SLC14A2: variants seen among roughly 807,000 people sequenced by gnomAD.
The protein encoded by SLC14A2 is solute carrier family 14 member 2.
Under a neutral mutation model 104.6 loss-of-function variants are expected in SLC14A2, and 91 were observed. That is an observed-to-expected ratio of 0.87 (90% confidence interval 0.73 to 1.04). The LOEUF (loss-of-function observed/expected upper bound fraction) is 1.04. Among genes scored for constraint, SLC14A2 ranks in the 50% least tolerant of loss-of-function variants. The pLI is 0.00. For missense variants in SLC14A2, 1,189 were observed against 1,156.0 expected, an observed-to-expected ratio of 1.03 and a Z score of -0.41; for synonymous variants, 476 against 466.4, an observed-to-expected ratio of 1.02 and a Z score of -0.27.
At chr18:45,282,693 G>C (rs1209553422) in intron 1 of SLC14A2, among the ~76,000 whole-genome samples, 3 of 152,066 alleles carry the variant, frequency 2.0e-5, no homozygotes, top group African/African-American at 7.2e-5. Context: ...CCATAAAGAT[G>C]GGATTTCGAA....
chr18:45,552,430 C>T (rs779776351), intron 2 of SLC14A2, among the ~76,000 whole-genome samples: 35 of 151,946 alleles, frequency 2.3e-4, no homozygotes, highest in Middle Eastern at 3.4e-3. Flanking sequence ...TCTTGCTCTC[C>T]CACCCCCCAA....
At chr18:45,386,771 T>TA (rs1357473367) in intron 1 of SLC14A2, among the ~76,000 whole-genome samples, 1 of 152,198 alleles carries the variant, frequency 6.6e-6, no homozygotes, top group Non-Finnish European at 1.5e-5. Context: ...AACTGTTGAT[T>TA]AACCTCCAAA....
chr18:45,682,592 C>G lies in SLC14A2; in HGVS notation c.*73C>G. On this transcript the variant is annotated 3_prime_UTR_variant, in exon 20 of 20. Coordinates refer to ENST00000255226, the MANE Select transcript of SLC14A2 (RefSeq NM_007163.4). ...CGTCCAGATCCCCAGGATAAGAGAC[C>G]ACTTAGCCTTCCCTTTGGTCTGTTC... 1 of 1,242,652 alleles carries G rather than the reference C, an allele frequency of 8.0e-7. No individual in the cohort carries two copies. Among genetic ancestry groups the G allele is most frequent in the Non-Finnish European group, 1.2e-6 (1 of 843,550 alleles). 77.0% of individuals were successfully genotyped at this position (1,242,652 alleles called of 1,614,324 possible).
chr18:45,365,027 A>G (rs1230694956), intron 1 of SLC14A2, among the ~76,000 whole-genome samples: 1 of 152,216 alleles, frequency 6.6e-6, no homozygotes, highest in African/African-American at 2.4e-5. Flanking sequence ...AGGCAGGTAA[A>G]TAAGTCGAGG....
At position 45,281,630 on chromosome 18, in the gene SLC14A2, T is replaced by TG. The variant is rs371060743; in HGVS notation, c.-125+68445dup. 3.4e-3 allele frequency among the ~76,000 whole-genome samples: 524 copies of TG among 152,276 alleles called. 4 individuals are homozygous for TG. Among genetic ancestry groups the TG allele is most frequent in the African/African-American group, 0.011 (454 of 41,546 alleles). On this transcript the variant is annotated intron_variant, in intron 1 of 20. Transcript: ENST00000586448. The stretch of plus-strand genomic sequence containing the variant: ...ATTCTCTCTCTCCTCTCTTGAGGGC[T>TG]GGGGGGTGCAATTTAGAAGTATCTC...
intron 1 of SLC14A2, among the ~76,000 whole-genome samples, chr18:45,622,586 G>A (rs1303396660): frequency 2.6e-5 from 4 of 152,152 alleles, no homozygotes; most frequent in Non-Finnish European, 5.9e-5. Context: ...CACCTGGGTA[G>A]GAGCACCAGG....
At position 45,620,202 on chromosome 18, in the gene SLC14A2, CG is replaced by C. The variant is rs548577354; in HGVS notation, c.-34-4426del. Among the ~76,000 whole-genome samples, 442 of 152,318 alleles carry C rather than the reference CG, an allele frequency of 2.9e-3. 1 individual carries two copies. The highest frequency in any genetic ancestry group is 0.01 in the African/African-American group (425 of 41,578). On this transcript the variant is annotated intron_variant, in intron 1 of 19. Transcript: ENST00000255226. ...TACATAGGATTGAGAAACACAACAG[CG>C]GGCTGAGGCCCTGGACCCAGGCGCT...
intron 1 of SLC14A2, among the ~76,000 whole-genome samples, chr18:45,427,560 G>C (rs1046649173): frequency 6.6e-6 from 1 of 152,168 alleles, no homozygotes; most frequent in Non-Finnish European, 1.5e-5. Flanking sequence ...TCCAGCTGGA[G>C]GGTCTGGGAA....
At chr18:45,665,352 A>G (rs2046000681) in intron 11 of SLC14A2, among the ~76,000 whole-genome samples, 1 of 152,182 alleles carries the variant, frequency 6.6e-6, no homozygotes, top group African/African-American at 2.4e-5. Context: ...ATCTTTCAGG[A>G]TGCATAAAAC....
chr18:45,615,383 A>G (rs1260429414), upstream of SLC14A2: 1 of 152,220 alleles, frequency 6.6e-6, no homozygotes, highest in Non-Finnish European at 1.5e-5. Context: ...TGACTGGATC[A>G]TGGGAGCGGT....
At chr18:45,527,067 A>T (rs1227306512) in intron 2 of SLC14A2, among the ~76,000 whole-genome samples, 2 of 152,244 alleles carry the variant, frequency 1.3e-5, no homozygotes, top group Admixed American at 6.5e-5. Flanking sequence ...AGGCCCAGAG[A>T]GGGGCATGAC....
chr18:45,369,547 A>G (rs1202336396), intron 1 of SLC14A2, among the ~76,000 whole-genome samples: 3 of 152,220 alleles, frequency 2.0e-5, no homozygotes, highest in Non-Finnish European at 4.4e-5. Flanking sequence ...CAACGAGGAT[A>G]AACTAAGATT....
intron 1 of SLC14A2, among the ~76,000 whole-genome samples, chr18:45,326,206 T>C (rs1171638036): frequency 6.6e-6 from 1 of 152,184 alleles, no homozygotes; most frequent in Admixed American, 6.5e-5. Context: ...CAGTAAGAGA[T>C]GGTCTGTCCA....
chr18:45,394,695 A>G (rs1302707710), intron 1 of SLC14A2, among the ~76,000 whole-genome samples: 1 of 151,744 alleles, frequency 6.6e-6, no homozygotes, highest in African/African-American at 2.4e-5. Context: ...TTTTTAATCT[A>G]GTTATTTGGG....
At chr18:45,231,697 G>C (rs2084176304) in intron 1 of SLC14A2, among the ~76,000 whole-genome samples, 1 of 152,172 alleles carries the variant, frequency 6.6e-6, no homozygotes, top group South Asian at 2.1e-4. Flanking sequence ...CAAATGGCAT[G>C]ATCAATAATA....
chr18:45,312,633 G>C (rs2085090270), intron 1 of SLC14A2, among the ~76,000 whole-genome samples: 1 of 152,200 alleles, frequency 6.6e-6, no homozygotes. Context: ...TTCATAAATA[G>C]TGTGAATGGA....
chr18:45,195,178 CAGAA>C, the SLC14A2 span, among the ~76,000 whole-genome samples: 11 of 152,138 alleles, frequency 7.2e-5, no homozygotes, highest in African/African-American at 2.4e-4. Context: ...TGTGTCCTCT[CAGAA>C]AGCCCTGAAG....
chr18:45,229,402 T>TTTTGTTTG (rs146538293), intron 1 of SLC14A2, among the ~76,000 whole-genome samples: 1,797 of 151,678 alleles, frequency 0.012, 38 homozygotes, highest in African/African-American at 0.039. Flanking sequence ...CCCGTAGGTT[T>TTTTGTTTG]TTTGTTTGTT....
intron 1 of SLC14A2, among the ~76,000 whole-genome samples, chr18:45,241,997 T>C (rs1267211952): frequency 6.6e-6 from 1 of 152,080 alleles, no homozygotes; most frequent in African/African-American, 2.4e-5. Flanking sequence ...CCCAAAACTC[T>C]CCTTTTCCCA....
Sources: gnomAD v4.1 joint callset for allele counts (sites outside exome capture counted in the v4.1 genomes callset) on GRCh38, gnomAD v4.1.1 for gene constraint, MANE v1.5 for transcripts, NCBI Gene and HGNC (gene_info 2026-07-23, HGNC 2026-07-21) for gene names.